The following ZNF385D variants were observed in gnomAD, a reference collection of about 807,000 sequenced individuals.
ZNF385D encodes zinc finger protein 659.
A neutral mutation model predicts 35.8 loss-of-function variants in ZNF385D; 15 were observed. That is an observed-to-expected ratio of 0.42 (90% CI 0.28 to 0.64). The LOEUF (loss-of-function observed/expected upper bound fraction) is 0.64. Among genes scored for constraint, ZNF385D ranks in the 30% least tolerant of loss-of-function variants. The pLI, the probability that ZNF385D is intolerant of heterozygous loss-of-function variation, is 0.23. For missense variants in ZNF385D, 474 were observed against 494.6 expected, an observed-to-expected ratio of 0.96 and a Z score of 0.39; for synonymous variants, 212 against 186.8, an observed-to-expected ratio of 1.13 and a Z score of -1.10.
chr3:22,214,114 T>C lies in ZNF385D; in HGVS notation c.107-45079A>G, dbSNP rs141067704. On this transcript the variant is annotated intron_variant, in intron 2 of 5. Coordinates refer to the ZNF385D transcript ENST00000494108. The stretch of plus-strand genomic sequence containing the variant: ...TGAAGCCATGGCAGAAGAACATGGA[T>C]TGTGAAGATTTCATGGACATTTATT... 7.1e-3 allele frequency among the ~76,000 whole-genome samples: 1,083 copies of C among 152,180 alleles called. 8 individuals carry two copies. Among genetic ancestry groups the C allele is most frequent in the African/African-American group, 0.024 (1,007 of 41,534 alleles).
chr3:21,424,670 C>A, intron 6 of ZNF385D, among the ~76,000 whole-genome samples: 1 of 139,056 alleles, frequency 7.2e-6, no homozygotes, highest in East Asian at 2.3e-4. Context: ...AGCTTTTCTT[C>A]TTATCACTAC....
At chr3:21,823,646 G>T (rs1694416931) in intron 3 of ZNF385D, among the ~76,000 whole-genome samples, 1 of 152,076 alleles carries the variant, frequency 6.6e-6, no homozygotes, top group Non-Finnish European at 1.5e-5. Context: ...TCTCAGAAGT[G>T]AACTAGAAAA....
intron 4 of ZNF385D, among the ~76,000 whole-genome samples, chr3:21,497,601 T>C (rs1245582488): frequency 1.3e-5 from 2 of 152,174 alleles, no homozygotes; most frequent in Admixed American, 6.5e-5. Flanking sequence ...TCCCAGCAAT[T>C]TGGGAGGCTG....
intron 1 of ZNF385D, among the ~76,000 whole-genome samples, chr3:21,746,521 T>C (rs1269804534): frequency 6.6e-6 from 1 of 152,234 alleles, no homozygotes; most frequent in Admixed American, 6.5e-5. Context: ...CCTGTTAACA[T>C]TCTCCAGCCC....
chr3:22,171,083 TA>T (rs1221376594), intron 2 of ZNF385D, among the ~76,000 whole-genome samples: 3 of 151,630 alleles, frequency 2.0e-5, no homozygotes, highest in Admixed American at 6.6e-5. Flanking sequence ...TTTCTGTATT[TA>T]AAAAATTGCA....
upstream of ZNF385D, among the ~76,000 whole-genome samples, chr3:21,753,703 TC>T (rs1406433101): frequency 2.6e-5 from 4 of 152,230 alleles, no homozygotes; most frequent in Non-Finnish European, 5.9e-5. Context: ...GTATACTTTT[TC>T]CTGTTTTACA....
chr3:21,999,223 C>G (rs190231301), intron 3 of ZNF385D, among the ~76,000 whole-genome samples: 64 of 152,190 alleles, frequency 4.2e-4, no homozygotes, highest in African/African-American at 1.3e-3. Context: ...TGTCAAATAG[C>G]AAGGATATTT....
intron 1 of ZNF385D, among the ~76,000 whole-genome samples, chr3:21,740,462 G>C (rs950590782): frequency 5.9e-5 from 9 of 152,138 alleles, no homozygotes; most frequent in African/African-American, 2.2e-4. Flanking sequence ...ATCCTTTCCA[G>C]AACTATATTA....
chr3:21,489,446 T>TA (rs1705257706), intron 4 of ZNF385D, among the ~76,000 whole-genome samples: 1 of 152,138 alleles, frequency 6.6e-6, no homozygotes, highest in Non-Finnish European at 1.5e-5. Context: ...GTGCATGCTC[T>TA]AAAGGGCTCT....
chr3:21,920,963 C>G (rs544012399), intron 3 of ZNF385D, among the ~76,000 whole-genome samples: 1 of 152,108 alleles, frequency 6.6e-6, no homozygotes, highest in East Asian at 1.9e-4. Flanking sequence ...TGCTTGTAAT[C>G]CCAGCACTCT....
intron 3 of ZNF385D, among the ~76,000 whole-genome samples, chr3:21,553,626 T>C (rs1033234153): frequency 2.6e-5 from 4 of 152,276 alleles, no homozygotes; most frequent in South Asian, 2.1e-4. Context: ...CACAAAATAT[T>C]TCTCTTTAGC....
At chr3:22,164,243 T>G (rs1706163833) in intron 3 of ZNF385D, among the ~76,000 whole-genome samples, 1 of 88,604 alleles carries the variant, frequency 1.1e-5, no homozygotes, top group Non-Finnish European at 2.1e-5. Context: ...TTTTTTTTTT[T>G]TTTTGAGACG....
At chr3:21,655,107 C>CA (rs534812041) in intron 2 of ZNF385D, among the ~76,000 whole-genome samples, 27 of 150,952 alleles carry the variant, frequency 1.8e-4, no homozygotes, top group Middle Eastern at 3.4e-3. Context: ...TGGGGAAGTG[C>CA]AAAAAACAAC....
intron 4 of ZNF385D, among the ~76,000 whole-genome samples, chr3:21,490,299 G>A (rs1705333986): frequency 6.6e-6 from 1 of 152,044 alleles, no homozygotes; most frequent in Non-Finnish European, 1.5e-5. Flanking sequence ...CTGAGTAGTT[G>A]GGGCAACAGG....
chr3:21,646,217 A>G lies in ZNF385D; in HGVS notation c.165+18669T>C, dbSNP rs142245361. Among the ~76,000 whole-genome samples the G allele has an allele frequency of 8.5e-5, 13 of 152,318 alleles. No homozygotes were observed. The highest frequency in any genetic ancestry group is 2.9e-4 in the African/African-American group (12 of 41,586). ...GTGTCAAAACCGGCCATGTAAGTAT[A>G]TGCAATCATGGTTTTGATTATGGTT... On this transcript the variant is annotated intron_variant, in intron 2 of 7. Coordinates refer to ENST00000281523, the MANE Select transcript of ZNF385D (RefSeq NM_024697.3). The surrounding 1 kb of genome is among the most constrained non-coding windows in gnomAD (Gnocchi z 4.3).
intron 2 of ZNF385D, among the ~76,000 whole-genome samples, chr3:22,262,335 T>A (rs945211587): frequency 4.0e-5 from 6 of 151,820 alleles, no homozygotes; most frequent in African/African-American, 1.5e-4. Flanking sequence ...TTAACACACA[T>A]GGAAGAATGG....
At chr3:21,792,896 C>T (rs1227187358) in intron 3 of ZNF385D, among the ~76,000 whole-genome samples, 1 of 151,954 alleles carries the variant, frequency 6.6e-6, no homozygotes, top group Non-Finnish European at 1.5e-5. Flanking sequence ...AATCTCTGAC[C>T]AGTATTCAAA....
At chr3:22,230,967 C>A (rs1698853063) in intron 2 of ZNF385D, among the ~76,000 whole-genome samples, 1 of 152,060 alleles carries the variant, frequency 6.6e-6, no homozygotes, top group African/African-American at 2.4e-5. Flanking sequence ...CTAATTCAGA[C>A]CCAGACTTCC....
At chr3:22,151,224 G>C (rs955966178) in intron 3 of ZNF385D, among the ~76,000 whole-genome samples, 1 of 152,112 alleles carries the variant, frequency 6.6e-6, no homozygotes. Flanking sequence ...GAACATCACA[G>C]ACACATTTGG....
Sources: gnomAD v4.1 joint callset for allele counts (sites outside exome capture counted in the v4.1 genomes callset) on GRCh38, gnomAD v4.1.1 for gene constraint, Gnocchi (gnomAD v3.1) non-coding constraint, MANE v1.5 for transcripts, NCBI Gene and HGNC (gene_info 2026-07-23, HGNC 2026-07-21) for gene names.